MRPL2: variants seen among roughly 807,000 people sequenced by gnomAD.
The protein encoded by MRPL2 is large ribosomal subunit protein uL2m.
A neutral mutation model predicts 34.6 loss-of-function variants in MRPL2; 27 were observed. The observed-to-expected ratio is 0.78, with a 90% CI of 0.58 to 1.08. MRPL2 has a LOEUF of 1.08. Ranked by LOEUF, MRPL2 falls within the 50% of genes least tolerant of loss-of-function variation. MRPL2 has a pLI of 0.00. For synonymous variants in MRPL2, 155 were observed against 158.0 expected, an observed-to-expected ratio of 0.98 and a Z score of 0.14; for missense variants, 414 against 419.3, an observed-to-expected ratio of 0.99 and a Z score of 0.11.
rs1401440204 is a variant in MRPL2, at chr6:43,057,975, T to C, written c.265+90A>G. ...TGCTTTTTAATTACATTCCTCTGCC[T>C]TACAAGGTACAAGTGTGTCAATATA... On this transcript the variant is annotated intron_variant, in intron 2 of 6. Coordinates refer to ENST00000388752, the MANE Select transcript of MRPL2 (RefSeq NM_015950.5). The C allele has an allele frequency of 5.6e-6, 8 of 1,441,320 alleles. No homozygotes were observed. In the African/African-American group the frequency reaches 9.9e-5, roughly 18 times the overall value. 89.3% of individuals were successfully genotyped at this position (1,441,320 alleles called of 1,614,324 possible). A position where few individuals can be genotyped will look rare whatever the true frequency, so the allele number is the denominator to read the frequency against.
Position 43,059,319 on chromosome 6 carries a change from G to A in MRPL2, c.63C>T (p.Ala21=), listed in dbSNP as rs1484185405. 1 of 1,551,936 alleles carries A rather than the reference G, an allele frequency of 6.4e-7. No individual in the cohort carries two copies. Among genetic ancestry groups the A allele is most frequent in the Admixed American group, 2.0e-5 (1 of 51,090 alleles). The part of the protein sequence containing the change: ...RSLNLAPPTV[A]APAPSLFPAA... ...CGGGGAACAGACTCGGGGCAGGGGC[G>A]GCGACGGTCGGGGGCGCCAGGTTCA... Residue 21 remains alanine (A), a synonymous_variant, in exon 1 of 7, where the codon GCC becomes GCT. Transcript: ENST00000388752.
Position 43,056,074 on chromosome 6 carries a change from C to G in MRPL2, c.520+7G>C, listed in dbSNP as rs1008059249. 1.1e-5 allele frequency: 17 copies of G among 1,614,200 alleles called. No individual in the cohort carries two copies. Among genetic ancestry groups the G allele is most frequent in the Non-Finnish European group, 1.4e-5 (17 of 1,180,032 alleles). ...TCCAGCCCACACATCTGGTAGCCAT[C>G]TCTCACCTGCCATTCGGCCTATGTG... is the stretch of plus-strand genomic sequence containing the variant. On this transcript the variant is annotated splice_region_variant and intron_variant, in intron 4 of 6. Transcript: ENST00000388752.
At position 43,054,472 on chromosome 6, in the gene MRPL2, G is replaced by A. The variant is rs765145187; in HGVS notation, c.720C>T (p.Cys240=). The change falls in exon 7 of 7, where the codon TGC becomes TGT. Residue 240 remains cysteine, a synonymous_variant. Transcript: ENST00000388752. ...SKRQMQVLET[C]VATVGRVSNV... is the part of the protein sequence containing the mutation. The stretch of plus-strand genomic sequence containing the variant: ...TGGATACTCGGCCTACTGTTGCTAC[G>A]CACGTTTCCAGCACCTGACAGAGAA... 8.7e-6 allele frequency: 14 copies of A among 1,614,092 alleles called. No homozygotes were observed. In the East Asian group the frequency reaches 2.0e-4, roughly 23 times the overall value.
intron 6 of MRPL2, among the ~76,000 whole-genome samples, chr6:43,054,923 C>T (rs891136245): frequency 8.7e-5 from 13 of 149,578 alleles, no homozygotes; most frequent in South Asian, 4.2e-4. Context: ...ACAAAAAATA[C>T]GAAAATTAGC....
chr6:43,055,738 A>C (rs1764849465), intron 5 of MRPL2, 120 bp from the exon 6 acceptor site: 1 of 1,313,794 alleles, frequency 7.6e-7, no homozygotes, highest in Non-Finnish European at 1.1e-6. Flanking sequence ...TACACAAAGA[A>C]GGACGCATGC....
chr6:43,054,283 G>T lies in MRPL2; in HGVS notation c.909C>A (p.Ala303=). 6.2e-7 allele frequency: 1 copy of T among 1,602,384 alleles called. No homozygotes were observed. The highest frequency in any genetic ancestry group is 8.5e-7 in the Non-Finnish European group (1 of 1,173,742). The change falls in exon 7 of 7, where the codon GCC becomes GCA. Residue 303 remains alanine, a synonymous_variant. Coordinates refer to ENST00000388752, the MANE Select transcript of MRPL2 (RefSeq NM_015950.5). ...KSYVKLPSAS[A]QS is the part of the protein sequence containing the mutation. ...TTAGAGTACAGGGATATCAGCTTTGGGCAGAAGCAGAAGGCAGCTTCACGT... is the reference window on the plus strand; with the variant it reads ...TTAGAGTACAGGGATATCAGCTTTGTGCAGAAGCAGAAGGCAGCTTCACGT...
At chr6:43,056,941 G>A (rs1764895455) in intron 2 of MRPL2, among the ~76,000 whole-genome samples, 1 of 152,224 alleles carries the variant, frequency 6.6e-6, no homozygotes, top group African/African-American at 2.4e-5. Context: ...CCAAAGTGCT[G>A]GGATTACAGG....
Position 43,054,154 on chromosome 6 carries a change from G to C in MRPL2, c.*120C>G. 2 of 813,684 alleles carry C rather than the reference G, an allele frequency of 2.5e-6. No homozygotes were observed. Among genetic ancestry groups the C allele is most frequent in the Non-Finnish European group, 3.8e-6 (2 of 521,134 alleles). The allele number at this position is 813,684 out of a possible 1,614,324, so 50.4% of individuals were successfully genotyped here. A position where few individuals can be genotyped will look rare whatever the true frequency, so the allele number is the denominator to read the frequency against. ...TACTTCTTTTCCCCACGTTTAGTCTGTACCATCCCCTCCCCCGCAAAAAAA... is the reference window on the plus strand; with the variant it reads ...TACTTCTTTTCCCCACGTTTAGTCTCTACCATCCCCTCCCCCGCAAAAAAA... On this transcript the variant is annotated 3_prime_UTR_variant, in exon 7 of 7. Transcript: ENST00000388752.
Position 43,054,057 on chromosome 6 carries a change from C to G in MRPL2, c.*217G>C. On this transcript the variant is annotated 3_prime_UTR_variant, in exon 7 of 7. Transcript: ENST00000388752. ...CTTGGACGTCATTTATTTCCATCCCCGGCTCCATTACTTGTAAGGGAATTG... is the reference window on the plus strand; with the variant it reads ...CTTGGACGTCATTTATTTCCATCCCGGGCTCCATTACTTGTAAGGGAATTG... 1 of 641,816 alleles carries G rather than the reference C, an allele frequency of 1.6e-6. No homozygotes were observed. The highest frequency in any genetic ancestry group is 2.8e-5 in the East Asian group (1 of 35,772). The allele number at this position is 641,816 out of a possible 1,614,324, so 39.8% of individuals were successfully genotyped here.
upstream of MRPL2, chr6:43,059,504 T>G: frequency 1.4e-6 from 2 of 1,443,376 alleles, no homozygotes; most frequent in Admixed American, 5.5e-5. Flanking sequence ...CCAAGCTGGA[T>G]ACACACCTCC....
intron 6 of MRPL2, 27 bp from the exon 7 acceptor site, chr6:43,054,513 T>C: frequency 2.5e-6 from 4 of 1,598,486 alleles, no homozygotes; most frequent in Admixed American, 1.7e-5. Flanking sequence ...ATGGAGATTC[T>C]GTACAATGGG....
intron 2 of MRPL2, among the ~76,000 whole-genome samples, chr6:43,056,925 G>T (rs893712076): frequency 8.5e-5 from 13 of 152,152 alleles, no homozygotes; most frequent in Non-Finnish European, 1.6e-4. Flanking sequence ...CGCCCACCTT[G>T]GCCTCCCAAA....
intron 1 of MRPL2, 72 bp downstream of exon 1, chr6:43,059,214 C>T (rs551080969): frequency 1.5e-4 from 240 of 1,551,002 alleles, no homozygotes; most frequent in Non-Finnish European, 2.0e-4. Flanking sequence ...CAACTCCCGC[C>T]TCGCATGCCC....
At chr6:43,059,692 C>T, upstream of MRPL2, 9 of 1,319,224 alleles carry the variant, frequency 6.8e-6, no homozygotes, top group Non-Finnish European at 8.7e-6. Context: ...GCAGGTGAGT[C>T]TTTGAGGGTA....
At chr6:43,058,921 C>T in intron 1 of MRPL2, 2 of 554,450 alleles carry the variant, frequency 3.6e-6, no homozygotes, top group Non-Finnish European at 3.2e-6. Flanking sequence ...CCTTGGACTC[C>T]TTATTTTCCT....
Position 43,054,051 on chromosome 6 carries a change from C to A in MRPL2, c.*223G>T. On this transcript the variant is annotated 3_prime_UTR_variant, in exon 7 of 7. Coordinates refer to ENST00000388752, the MANE Select transcript of MRPL2 (RefSeq NM_015950.5). The stretch of plus-strand genomic sequence containing the variant: ...AAAGACCTTGGACGTCATTTATTTC[C>A]ATCCCCGGCTCCATTACTTGTAAGG... 1 of 642,824 alleles carries A rather than the reference C, an allele frequency of 1.6e-6. No homozygotes were observed. The highest frequency in any genetic ancestry group is 2.0e-5 in the South Asian group (1 of 51,122). 39.8% of individuals were successfully genotyped at this position (642,824 alleles called of 1,614,324 possible). A position where few individuals can be genotyped will look rare whatever the true frequency, so the allele number is the denominator to read the frequency against.
chr6:43,058,372 C>T (rs1764954207), intron 1 of MRPL2, 139 bp from the exon 2 acceptor site: 2 of 776,680 alleles, frequency 2.6e-6, no homozygotes, highest in African/African-American at 1.7e-5. Flanking sequence ...TATCCAAAAA[C>T]TCCACCCTTC....
At chr6:43,056,529 G>C in intron 2 of MRPL2, 84 bp from the exon 3 acceptor site, 1 of 1,534,250 alleles carries the variant, frequency 6.5e-7, no homozygotes, top group Non-Finnish European at 8.9e-7. Context: ...TTCTCTGCCA[G>C]AGAGCAGTGC....
chr6:43,054,961 C>A (rs898639635), intron 6 of MRPL2, among the ~76,000 whole-genome samples: 4 of 151,774 alleles, frequency 2.6e-5, no homozygotes, highest in Non-Finnish European at 5.9e-5. Flanking sequence ...GCCTGTAGTC[C>A]CAGCTACTTG....
Sources: allele counts gnomAD v4.1 joint callset (sites outside exome capture counted in the v4.1 genomes callset), GRCh38; gene constraint gnomAD v4.1.1; transcripts MANE v1.5; gene names NCBI Gene and HGNC (gene_info 2026-07-23, HGNC 2026-07-21).